The following TOM1 variants were observed in gnomAD, a reference collection of about 807,000 sequenced individuals.
The protein encoded by TOM1 is target of myb1 membrane trafficking protein.
Under a neutral mutation model 61.3 loss-of-function variants are expected in TOM1, and 38 were observed. The ratio of observed to expected loss-of-function variants is 0.62; its 90% confidence interval spans 0.48 to 0.81. The LOEUF is 0.81. TOM1 is among the 40% of genes least tolerant of loss of function. TOM1 has a pLI of 0.00. For synonymous variants in TOM1, 270 were observed against 268.8 expected, an observed-to-expected ratio of 1.00 and a Z score of -0.04; for missense variants, 591 against 659.6, an observed-to-expected ratio of 0.90 and a Z score of 1.14.
intron 1 of TOM1, chr22:35,311,184 T>G (rs1926785872): frequency 6.6e-6 from 1 of 152,318 alleles, no homozygotes; most frequent in Non-Finnish European, 1.5e-5. Context: ...TCCCGAGGGC[T>G]TCAGTGGAGC....
intron 6 of TOM1, among the ~76,000 whole-genome samples, chr22:35,324,166 T>C (rs1024618075): frequency 6.6e-6 from 1 of 152,228 alleles, no homozygotes; most frequent in Non-Finnish European, 1.5e-5. Flanking sequence ...GGCACTGCCC[T>C]GTACCTTGGC....
intron 11 of TOM1, among the ~76,000 whole-genome samples, chr22:35,335,167 A>T (rs1400304148): frequency 6.6e-6 from 1 of 152,086 alleles, no homozygotes; most frequent in Admixed American, 6.5e-5. Flanking sequence ...TGTTTTCTTC[A>T]GCCTTTTGCC....
intron 7 of TOM1, among the ~76,000 whole-genome samples, chr22:35,329,240 G>A (rs1304927646): frequency 6.6e-6 from 1 of 152,222 alleles, no homozygotes; most frequent in Non-Finnish European, 1.5e-5. Flanking sequence ...ATAGGCACGA[G>A]CCACCGGGTG....
At chr22:35,315,402 C>T (rs997584957) in intron 1 of TOM1, among the ~76,000 whole-genome samples, 4 of 152,208 alleles carry the variant, frequency 2.6e-5, no homozygotes, top group African/African-American at 9.6e-5. Context: ...CGCCCCAAAA[C>T]CCTCCAAAGC....
intron 11 of TOM1, chr22:35,336,695 C>T (rs949585236): frequency 6.6e-6 from 1 of 152,402 alleles, no homozygotes; most frequent in African/African-American, 2.4e-5. Context: ...CCCAGTGGCC[C>T]AGGTGCAGCC....
rs5999801 is a variant in TOM1 at position 35,342,385 on chromosome 22, C to G, written c.1225-3340C>G. On this transcript the variant is annotated intron_variant, in intron 12 of 14. Transcript: ENST00000449058. ...GGCTGGGAGCAGGACTCTCGTCTCC[C>G]TCCACTCTGGGGCCCTAGGAAACTG... Among the ~76,000 whole-genome samples the G allele has an allele frequency of 5.9e-4, 90 of 152,180 alleles. 1 individual carries two copies. The highest frequency in any genetic ancestry group is 2.0e-3 in the African/African-American group (85 of 41,476).
chr22:35,308,429 G>A (rs554845489), intron 1 of TOM1, among the ~76,000 whole-genome samples: 31 of 151,892 alleles, frequency 2.0e-4, no homozygotes, highest in Middle Eastern at 3.4e-3. Context: ...GACTACAGGC[G>A]CGTGCCACCA....
intron 12 of TOM1, among the ~76,000 whole-genome samples, chr22:35,339,332 A>G (rs1929672674): frequency 6.6e-6 from 1 of 150,852 alleles, no homozygotes; most frequent in South Asian, 2.1e-4. Context: ...CTCCATCTCA[A>G]AAAAAAAAGA....
chr22:35,328,166 T>C (rs1410786999), intron 7 of TOM1, among the ~76,000 whole-genome samples: 1 of 152,196 alleles, frequency 6.6e-6, no homozygotes, highest in Non-Finnish European at 1.5e-5. Context: ...GAGCTGACTC[T>C]GCAGGGGTCC....
At chr22:35,330,822 C>CTT (rs1928778516) in intron 8 of TOM1, among the ~76,000 whole-genome samples, 1 of 152,200 alleles carries the variant, frequency 6.6e-6, no homozygotes, top group Admixed American at 6.5e-5. Context: ...GTTCTGGGGC[C>CTT]TTAGACAAGT....
At position 35,338,764 on chromosome 22, in the gene TOM1, C is replaced by A. The variant is rs771996974; in HGVS notation, c.1200C>A (p.Asp400Glu). Residue 400 changes from aspartate to glutamate, a missense_variant, in exon 12 of 15, where the codon GAC becomes GAA. Transcript: ENST00000449058. Reference protein sequence around the residue: ...QATDGLAGALDARQQSTGAIP... With the variant: ...QATDGLAGALEARQQSTGAIP... ...CAGACGGCCTGGCTGGAGCCCTGGA[C>A]GCCCGGCAGCAGAGCACTGGCGCGG... 1.0e-4 allele frequency: 164 copies of A among 1,601,166 alleles called. 1 individual carries two copies. The highest frequency in any genetic ancestry group is 1.3e-4 in the Non-Finnish European group (158 of 1,175,024).
chr22:35,346,014 G>T (rs564593783), intron 13 of TOM1, among the ~76,000 whole-genome samples: 34 of 152,320 alleles, frequency 2.2e-4, no homozygotes, highest in Admixed American at 1.9e-3. Context: ...TGCTCCCAAG[G>T]TGAGGTCCCA....
chr22:35,317,048 T>G lies in TOM1; in HGVS notation c.53-829T>G, dbSNP rs184884915. Among the ~76,000 whole-genome samples the G allele has an allele frequency of 3.4e-3, 511 of 152,246 alleles. 1 individual carries two copies. Among genetic ancestry groups the G allele is most frequent in the Non-Finnish European group, 5.9e-3 (404 of 68,002 alleles). ...CTCTCTGTGAGATTCTAGAGGAACCTGGTTACAGGGGATGCCTCTAGGAAG... is the reference window on the plus strand; with the variant it reads ...CTCTCTGTGAGATTCTAGAGGAACCGGGTTACAGGGGATGCCTCTAGGAAG... On this transcript the variant is annotated intron_variant, in intron 1 of 14. Coordinates refer to ENST00000449058, the MANE Select transcript of TOM1 (RefSeq NM_005488.3).
chr22:35,323,418 G>A lies in TOM1; in HGVS notation c.367-78G>A. ...AAAAAAAAGCAGGGAAAGAATGTCT[G>A]TTCTCTGTCTGAGTGCCAGGTGGGC... On this transcript the variant is annotated intron_variant, in intron 4 of 14. Coordinates refer to ENST00000449058, the MANE Select transcript of TOM1 (RefSeq NM_005488.3). This position sits in a 1 kb window ranked among gnomAD's most constrained non-coding sequence, Gnocchi z 4.2. The A allele has an allele frequency of 6.7e-7, 1 of 1,490,720 alleles. No individual in the cohort carries two copies. The highest frequency in any genetic ancestry group is 9.1e-7 in the Non-Finnish European group (1 of 1,094,646). 92.3% of individuals were successfully genotyped at this position (1,490,720 alleles called of 1,614,324 possible). A position where few individuals can be genotyped will look rare whatever the true frequency, so the allele number is the denominator to read the frequency against.
chr22:35,317,134 AC>A (rs1411992567), intron 1 of TOM1, among the ~76,000 whole-genome samples: 2 of 152,144 alleles, frequency 1.3e-5, no homozygotes, highest in Non-Finnish European at 2.9e-5. Flanking sequence ...CCACTTGAGA[AC>A]TTTTACATTT....
At chr22:35,322,179 C>G (rs1348528332) in intron 3 of TOM1, 142 bp downstream of exon 3, 1 of 691,974 alleles carries the variant, frequency 1.4e-6, no homozygotes, top group South Asian at 1.8e-5. Context: ...ACTGTCCTGT[C>G]TACACTGCAG....
At chr22:35,318,707 G>T (rs999132395) in intron 2 of TOM1, among the ~76,000 whole-genome samples, 1 of 152,354 alleles carries the variant, frequency 6.6e-6, no homozygotes, top group East Asian at 1.9e-4. Context: ...GCAGAAAGGG[G>T]ATGCGAGGGT....
chr22:35,299,682 C>T (rs1243512348), upstream of TOM1: 4 of 440,476 alleles, frequency 9.1e-6, no homozygotes, highest in Non-Finnish European at 1.6e-5. Context: ...CTTCCCGGGC[C>T]CCGACCCCAG....
At chr22:35,336,727 G>A (rs934202107) in intron 11 of TOM1, 1 of 152,354 alleles carries the variant, frequency 6.6e-6, no homozygotes, top group Non-Finnish European at 1.5e-5. Flanking sequence ...GCCCCACTGG[G>A]ACCACCTAAG....
Sources: gnomAD v4.1 joint callset for allele counts (sites outside exome capture counted in the v4.1 genomes callset) on GRCh38, gnomAD v4.1.1 for gene constraint, Gnocchi (gnomAD v3.1) non-coding constraint, MANE v1.5 for transcripts, NCBI Gene and HGNC (gene_info 2026-07-23, HGNC 2026-07-21) for gene names.